Variants in SH2B2 observed in about 807,000 individuals in gnomAD.
The protein encoded by SH2B2 is SH2B adaptor protein 2, also known as SH2B adapter protein 2.
In SH2B2, 37 loss-of-function variants were observed where a neutral mutation model predicts 35.7. That is an observed-to-expected ratio of 1.04 (90% CI 0.80 to 1.36). The LOEUF (loss-of-function observed/expected upper bound fraction) is 1.36, where lower values mean the gene tolerates loss of function less well. Among genes scored for constraint, SH2B2 ranks in the 40% most tolerant of loss-of-function variants. SH2B2 has a pLI of 0.00. For synonymous variants in SH2B2, 383 were observed against 376.4 expected, an observed-to-expected ratio of 1.02 and a Z score of -0.20; for missense variants, 852 against 817.7, an observed-to-expected ratio of 1.04 and a Z score of -0.51.
intron 7 of SH2B2, among the ~76,000 whole-genome samples, chr7:102,318,124 C>T (rs1410685561): frequency 6.6e-6 from 1 of 151,904 alleles, no homozygotes; most frequent in Non-Finnish European, 1.5e-5. Context: ...GCTATATTGA[C>T]CTGAAATGCT....
chr7:102,309,092 A>T (rs76100825), intron 4 of SH2B2, 186 bp downstream of exon 4: 20 of 686,536 alleles, frequency 2.9e-5, no homozygotes, highest in Non-Finnish European at 4.8e-5. Context: ...AATCGCCAGC[A>T]GACTCTGTGA....
Position 102,321,438 on chromosome 7 carries a change from T to G in SH2B2, c.1707T>G (p.Ser569=). 2 of 1,295,550 alleles carry G rather than the reference T, an allele frequency of 1.5e-6. No homozygotes were observed. Among genetic ancestry groups the G allele is most frequent in the Non-Finnish European group, 9.8e-7 (1 of 1,018,816 alleles). The allele number at this position is 1,295,550 out of a possible 1,614,324, so 80.3% of individuals were successfully genotyped here. A position where few individuals can be genotyped will look rare whatever the true frequency, so the allele number is the denominator to read the frequency against. Residue 569 remains serine (S), a synonymous_variant, in exon 9 of 9, where the codon TCT becomes TCG. Transcript: ENST00000444095. The part of the protein sequence containing the change: ...SPSDAAGASS[S]SASSSSAASG... ...CCGACGCCGCCGGCGCCTCCTCGTC[T>G]TCCGCCTCGTCGTCCTCTGCCGCGT...
Position 102,299,197 on chromosome 7 carries a change from C to CTTTTTTTTTTT in SH2B2, c.-29-1316_-29-1306dup, listed in dbSNP as rs71123035. Reference sequence around the variant, plus strand: ...TACAGGCATGAGCCACCGCGCCTGGCTTTTTTTTTTTTTTTTTTTGAGGTG... The same window carrying CTTTTTTTTTTT: ...TACAGGCATGAGCCACCGCGCCTGGCTTTTTTTTTTTTTTTTTTTTTTTTTTTTTTGAGGTG... On this transcript the variant is annotated intron_variant, in intron 1 of 8. Transcript: ENST00000444095. Among the ~76,000 whole-genome samples, 100 of 24,628 alleles carry CTTTTTTTTTTT rather than the reference C, an allele frequency of 4.1e-3. 25 individuals are homozygous for CTTTTTTTTTTT. Among genetic ancestry groups the CTTTTTTTTTTT allele is most frequent in the Middle Eastern group, 0.1 (2 of 20 alleles). The allele number at this position is 24,628 out of a possible 152,430, so 16.2% of individuals were successfully genotyped here. A position where few individuals can be genotyped will look rare whatever the true frequency, so the allele number is the denominator to read the frequency against.
intron 6 of SH2B2, 66 bp from the exon 7 acceptor site, chr7:102,317,119 TCA>T: frequency 7.7e-7 from 1 of 1,290,764 alleles, no homozygotes; most frequent in South Asian, 1.4e-5. Context: ...ACCTCTCTTC[TCA>T]CATTTATTTA....
intron 2 of SH2B2, among the ~76,000 whole-genome samples, chr7:102,306,378 C>T (rs1450807223): frequency 3.3e-5 from 5 of 152,110 alleles, no homozygotes; most frequent in Admixed American, 2.0e-4. Flanking sequence ...CGTGAGCCAC[C>T]GCACCCAGCC....
At chr7:102,312,139 C>T (rs1287643296) in intron 4 of SH2B2, among the ~76,000 whole-genome samples, 1 of 149,206 alleles carries the variant, frequency 6.7e-6, no homozygotes, top group African/African-American at 2.5e-5. Context: ...TTTGGGAGGC[C>T]GAGGCAGGCG....
chr7:102,301,203 G>A lies in SH2B2; in HGVS notation c.653G>A (p.Trp218Ter). ...AAAGSGGSAQ[W>*]QKCRLLLRRA... ...GCGGGCTCCGGGGGCTCGGCTCAGT[G>A]GCAGAAGTGCCGCCTGCTCCTGCGC... Residue 218 changes from tryptophan to a stop codon, truncating the protein, a stop_gained, in exon 2 of 9, where the codon TGG becomes TAG. Transcript: ENST00000444095. LOFTEE classifies it high-confidence loss of function. The A allele has an allele frequency of 6.3e-7, 1 of 1,593,162 alleles. No homozygotes were observed. Among genetic ancestry groups the A allele is most frequent in the Non-Finnish European group, 8.5e-7 (1 of 1,171,496 alleles).
intron 1 of SH2B2, among the ~76,000 whole-genome samples, chr7:102,292,681 G>A (rs554348816): frequency 1.3e-5 from 2 of 152,106 alleles, no homozygotes; most frequent in African/African-American, 4.8e-5. Context: ...CCCCAGCCTG[G>A]GCCACAGAGT....
At chr7:102,295,517 C>T (rs1210570330) in intron 1 of SH2B2, among the ~76,000 whole-genome samples, 1 of 152,140 alleles carries the variant, frequency 6.6e-6, no homozygotes, top group South Asian at 2.1e-4. Context: ...GGTGTGTTCC[C>T]GTCTCCACCC....
intron 4 of SH2B2, among the ~76,000 whole-genome samples, chr7:102,312,024 G>A (rs1250651081): frequency 6.6e-6 from 1 of 150,730 alleles, no homozygotes; most frequent in Non-Finnish European, 1.5e-5. Flanking sequence ...GTTGCAGTGA[G>A]CTGAGATTGC....
chr7:102,313,356 G>A (rs1434190333), intron 4 of SH2B2, among the ~76,000 whole-genome samples: 1 of 152,048 alleles, frequency 6.6e-6, no homozygotes, highest in East Asian at 1.9e-4. Flanking sequence ...GCTGAGGCAG[G>A]GGAATCACTT....
chr7:102,285,490 C>A (rs1002660513), upstream of SH2B2, among the ~76,000 whole-genome samples: 24 of 152,188 alleles, frequency 1.6e-4, no homozygotes, highest in African/African-American at 5.3e-4. Context: ...CCTGGTCCTG[C>A]GGAGGGAACA....
intron 1 of SH2B2, among the ~76,000 whole-genome samples, chr7:102,292,047 G>A (rs1792692964): frequency 6.6e-6 from 1 of 152,120 alleles, no homozygotes; most frequent in African/African-American, 2.4e-5. Flanking sequence ...GGCCAGTGCT[G>A]CTAAGGTCCT....
intron 4 of SH2B2, chr7:102,309,678 T>TA (rs1220342560): frequency 2.7e-4 from 46 of 169,212 alleles, no homozygotes; most frequent in South Asian, 1.1e-3. Context: ...TCTCTTAAAA[T>TA]AAAAAAAAAT....
chr7:102,306,773 C>T lies in SH2B2; in HGVS notation c.782C>T (p.Thr261Ile), dbSNP rs1554554953. 4 of 1,600,812 alleles carry T rather than the reference C, an allele frequency of 2.5e-6. No individual in the cohort carries two copies. Among genetic ancestry groups the T allele is most frequent in the South Asian group, 1.1e-5 (1 of 88,250 alleles). The change falls in exon 3 of 9, where the codon ACC becomes ATC. Residue 261 changes from threonine (T) to isoleucine (I), a missense_variant. This residue lies in a region of SH2B2 where 556 missense variants were observed against 514.5 expected (regional missense o/e 1.08). Coordinates refer to ENST00000444095, the MANE Select transcript of SH2B2 (RefSeq NM_001359228.2). ...CTGTCAGCCATCATTGAGGTCCGCA[C>T]CACCATGCCCCTGGAAATGCCAGAG... ...IPLSAIIEVR[T>I]TMPLEMPEKD... is the part of the protein sequence containing the mutation.
chr7:102,301,510 G>A (rs1793189579), intron 2 of SH2B2, among the ~76,000 whole-genome samples: 1 of 151,990 alleles, frequency 6.6e-6, no homozygotes, highest in Non-Finnish European at 1.5e-5. Flanking sequence ...TACACCAAAG[G>A]GTTCTGGGGC....
chr7:102,300,464 A>G, intron 1 of SH2B2, 58 bp from the exon 2 acceptor site: 1 of 1,469,056 alleles, frequency 6.8e-7, no homozygotes, highest in Non-Finnish European at 9.0e-7. Context: ...GAAGGAGGGG[A>G]CAGGTGGGCG....
At chr7:102,311,152 G>A (rs1167466150) in intron 4 of SH2B2, among the ~76,000 whole-genome samples, 1 of 152,130 alleles carries the variant, frequency 6.6e-6, no homozygotes, top group Non-Finnish European at 1.5e-5. Context: ...GTACAGTGGT[G>A]CAATCAAGCT....
At chr7:102,299,885 T>C (rs1793077012) in intron 1 of SH2B2, among the ~76,000 whole-genome samples, 1 of 152,216 alleles carries the variant, frequency 6.6e-6, no homozygotes, top group Non-Finnish European at 1.5e-5. Flanking sequence ...AATGCAGGAC[T>C]GCCCCTTCTG....
Sources: allele counts gnomAD v4.1 joint callset (sites outside exome capture counted in the v4.1 genomes callset), GRCh38; gene constraint gnomAD v4.1.1; regional missense constraint gnomAD v4.1.1; transcripts MANE v1.5; gene names NCBI Gene and HGNC (gene_info 2026-07-23, HGNC 2026-07-21).